The following RASEF variants were observed in gnomAD, a reference collection of about 807,000 sequenced individuals.
RASEF encodes the protein RAS and EF-hand domain containing.
A neutral mutation model predicts 90.1 loss-of-function variants in RASEF; 68 were observed. The ratio of observed to expected loss-of-function variants is 0.75; its 90% CI spans 0.62 to 0.92. The LOEUF is 0.92. Ranked by LOEUF, RASEF falls within the 40% of genes least tolerant of loss-of-function variation. The probability of loss-of-function intolerance (pLI) is 0.00; values close to 1 mark genes in which losing one functional copy is unlikely to be tolerated. For missense variants in RASEF, 949 were observed against 937.2 expected, an observed-to-expected ratio of 1.01 and a Z score of -0.16; for synonymous variants, 331 against 345.2, an observed-to-expected ratio of 0.96 and a Z score of 0.46.
At chr9:83,148,347 T>C in the RASEF span, among the ~76,000 whole-genome samples, 1 of 152,138 alleles carries the variant, frequency 6.6e-6, no homozygotes, top group Non-Finnish European at 1.5e-5. Context: ...GGGAGAATGT[T>C]AGAGTAGGGT....
In RASEF at chr9:83,063,116, C is replaced by A. The variant is rs1423437919; in HGVS notation, c.-249G>T. On this transcript the variant is annotated 5_prime_UTR_variant, in exon 1 of 17. Coordinates refer to ENST00000376447, the MANE Select transcript of RASEF (RefSeq NM_152573.4). ...CGGTGGGGTGCGCCCGGGCTCCAGG[C>A]ACCGCCAAGGAGCGCCTCCTGCGAC... 6.5e-6 allele frequency: 3 copies of A among 460,458 alleles called. No homozygotes were observed. Among genetic ancestry groups the A allele is most frequent in the South Asian group, 4.5e-5 (1 of 22,436 alleles). The allele number at this position is 460,458 out of a possible 1,614,324, so 28.5% of individuals were successfully genotyped here. A position where few individuals can be genotyped will look rare whatever the true frequency, so the allele number is the denominator to read the frequency against.
the RASEF span, among the ~76,000 whole-genome samples, chr9:83,100,012 G>A: frequency 2.0e-5 from 3 of 152,134 alleles, no homozygotes; most frequent in Non-Finnish European, 4.4e-5. Context: ...TGTACATATT[G>A]TTAATTTAAG....
chr9:83,062,804 C>T lies in RASEF; in HGVS notation c.64G>A (p.Ala22Thr), dbSNP rs763531752. 1.3e-5 allele frequency: 21 copies of T among 1,556,228 alleles called. No homozygotes were observed. Among genetic ancestry groups the T allele is most frequent in the East Asian group, 7.2e-5 (3 of 41,688 alleles). ...RLRSVFAACD[A>T]NRSGRLEREE... is the part of the protein sequence containing the mutation. ...CGCTCCAGGCGCCCCGAGCGGTTCGCGTCGCAGGCGGCGAAGACTGAGCGC... is the reference window on the plus strand; with the variant it reads ...CGCTCCAGGCGCCCCGAGCGGTTCGTGTCGCAGGCGGCGAAGACTGAGCGC... Residue 22 changes from alanine to threonine, a missense_variant, in exon 1 of 17, where the codon GCG becomes ACG. This residue lies in a region of RASEF where 656 missense variants were observed against 592.2 expected (regional missense o/e 1.11). Coordinates refer to ENST00000376447, the MANE Select transcript of RASEF (RefSeq NM_152573.4).
chr9:83,057,215 AC>A (rs1020816103), intron 1 of RASEF, among the ~76,000 whole-genome samples: 10 of 152,276 alleles, frequency 6.6e-5, no homozygotes, highest in African/African-American at 2.2e-4. Context: ...AAAGAAATAA[AC>A]CCATCCAAAT....
chr9:83,149,762 T>A, the RASEF span, among the ~76,000 whole-genome samples: 25,375 of 152,162 alleles, frequency 0.17, 2,315 homozygotes, highest in Non-Finnish European at 0.21. Context: ...GCAGATTGTT[T>A]TTAACACCCC....
At chr9:83,168,458 T>C in the RASEF span, among the ~76,000 whole-genome samples, 27 of 152,180 alleles carry the variant, frequency 1.8e-4, no homozygotes, top group African/African-American at 6.5e-4. Flanking sequence ...AACTGAGTAA[T>C]TGGGATATCC....
At chr9:83,206,223 G>A in the RASEF span, among the ~76,000 whole-genome samples, 1 of 152,094 alleles carries the variant, frequency 6.6e-6, no homozygotes, top group Non-Finnish European at 1.5e-5. Flanking sequence ...ATTCAAATAA[G>A]AATATTTTTT....
chr9:83,048,493 AC>A, intron 1 of RASEF: 1 of 985,200 alleles, frequency 1.0e-6, no homozygotes, highest in East Asian at 1.1e-4. Flanking sequence ...ATTTCTAAGT[AC>A]TCAGTGCCTC....
intron 7 of RASEF, among the ~76,000 whole-genome samples, 195 bp downstream of exon 7, chr9:83,007,242 T>C (rs1465421363): frequency 1.3e-5 from 2 of 152,160 alleles, no homozygotes; most frequent in Non-Finnish European, 2.9e-5. Flanking sequence ...TTCCCACATC[T>C]GAATAATTTA....
the RASEF span, among the ~76,000 whole-genome samples, chr9:83,202,264 A>T: frequency 6.6e-6 from 1 of 152,248 alleles, no homozygotes; most frequent in Non-Finnish European, 1.5e-5. Context: ...TAAAAGGAAA[A>T]TTGGCTAAAA....
chr9:82,987,881 G>A (rs1301636477), intron 16 of RASEF, among the ~76,000 whole-genome samples: 1 of 152,188 alleles, frequency 6.6e-6, no homozygotes, highest in Non-Finnish European at 1.5e-5. Flanking sequence ...ATTTAAGAAT[G>A]GACTTTGAGC....
chr9:83,037,481 T>C (rs543157125), intron 1 of RASEF, among the ~76,000 whole-genome samples: 3 of 152,166 alleles, frequency 2.0e-5, no homozygotes, highest in African/African-American at 4.8e-5. Flanking sequence ...AGCATTGTAG[T>C]AAAAATTATA....
At chr9:83,047,998 G>T (rs1829963515) in intron 1 of RASEF, 2 of 438,834 alleles carry the variant, frequency 4.6e-6, no homozygotes, top group Non-Finnish European at 6.1e-6. Flanking sequence ...CCTGCATCGT[G>T]CATGGCAGCT....
the RASEF span, among the ~76,000 whole-genome samples, chr9:83,087,405 TTCTC>T: frequency 1.4e-3 from 164 of 115,534 alleles, 3 homozygotes; most frequent in Middle Eastern, 4.6e-3. Context: ...TTCTCATTCA[TTCTC>T]TCTCTCTCTC....
the RASEF span, among the ~76,000 whole-genome samples, chr9:83,204,337 T>C: frequency 2.0e-5 from 3 of 152,044 alleles, no homozygotes; most frequent in African/African-American, 7.2e-5. Context: ...TGGAGTCCTG[T>C]GAAACATTCA....
At chr9:83,088,422 T>C in the RASEF span, among the ~76,000 whole-genome samples, 1 of 131,428 alleles carries the variant, frequency 7.6e-6, no homozygotes, top group Non-Finnish European at 1.7e-5. Context: ...ACACAGATAA[T>C]ATGTGAACTA....
the RASEF span, among the ~76,000 whole-genome samples, chr9:83,189,559 T>G: frequency 6.6e-6 from 1 of 152,212 alleles, no homozygotes; most frequent in African/African-American, 2.4e-5. Flanking sequence ...AAACCATGTA[T>G]TCTTTGAAAA....
At chr9:83,055,715 G>A (rs1441437443) in intron 1 of RASEF, 1 of 715,284 alleles carries the variant, frequency 1.4e-6, no homozygotes, top group Non-Finnish European at 2.6e-6. Flanking sequence ...AATCTGTAAT[G>A]CAGGTGATTT....
Position 83,043,051 on chromosome 9 carries a change from C to A in RASEF, c.432-17130G>T, listed in dbSNP as rs79534030. ...ACTTCATATGATGACCCTGAGTTAG[C>A]ACGGAAAGCTTCAGTGATTTTGCAA... On this transcript the variant is annotated intron_variant, in intron 1 of 16. Coordinates refer to ENST00000376447, the MANE Select transcript of RASEF (RefSeq NM_152573.4). Among the ~76,000 whole-genome samples the A allele has an allele frequency of 2.3e-4, 35 of 152,278 alleles. No homozygotes were observed. In the East Asian group the frequency reaches 5.2e-3, roughly 23 times the overall value.
Sources: gnomAD v4.1 joint callset for allele counts (sites outside exome capture counted in the v4.1 genomes callset) on GRCh38, gnomAD v4.1.1 for gene constraint, gnomAD v4.1.1 regional missense constraint, MANE v1.5 for transcripts, NCBI Gene and HGNC (gene_info 2026-07-23, HGNC 2026-07-21) for gene names.